Variants in ACSM6 observed in about 807,000 individuals in gnomAD.
ACSM6 encodes the protein acyl-CoA synthetase medium chain family member 6, also known as acyl-coenzyme A synthetase ACSM6, mitochondrial.
ACSM6 carries 35 observed loss-of-function variants against 51.1 expected under a neutral mutation model. The observed-to-expected ratio is 0.69, with a 90% CI of 0.52 to 0.91. The LOEUF (loss-of-function observed/expected upper bound fraction) is 0.91, where lower values mean the gene tolerates loss of function less well. Ranked by LOEUF, ACSM6 falls within the 40% of genes least tolerant of loss-of-function variation. The pLI is 0.00. For synonymous variants in ACSM6, 172 were observed against 207.3 expected (o/e 0.83, Z 1.46); for missense variants, 509 against 584.1 (o/e 0.87, Z 1.32).
intron 9 of ACSM6, among the ~76,000 whole-genome samples, chr10:95,224,426 T>C (rs935031763): frequency 2.6e-5 from 4 of 152,244 alleles, no homozygotes; most frequent in Non-Finnish European, 5.9e-5. Context: ...GTCATTATTT[T>C]CTTTTTTGAG....
intron 3 of ACSM6, among the ~76,000 whole-genome samples, chr10:95,206,651 A>G (rs1009752695): frequency 6.6e-6 from 1 of 152,194 alleles, no homozygotes; most frequent in African/African-American, 2.4e-5. Flanking sequence ...AAGCCTGAAA[A>G]CTAAAAAGAA....
intron 9 of ACSM6, among the ~76,000 whole-genome samples, chr10:95,224,962 T>A (rs1437584831): frequency 6.6e-6 from 1 of 152,216 alleles, no homozygotes; most frequent in Non-Finnish European, 1.5e-5. Flanking sequence ...TCTTATTTCA[T>A]CCTCACAATA....
intron 8 of ACSM6, among the ~76,000 whole-genome samples, chr10:95,218,771 C>A (rs1022621603): frequency 6.6e-6 from 1 of 152,132 alleles, no homozygotes; most frequent in Non-Finnish European, 1.5e-5. Context: ...ATAGTCCCAC[C>A]AGATTAGATG....
At chr10:95,194,290 T>G (rs1200847100) in exon 1 of ACSM6, 6 of 523,712 alleles carry the variant, frequency 1.1e-5, no homozygotes, top group East Asian at 5.7e-5. Flanking sequence ...CCATAGAAAC[T>G]CCTCTTGGAA....
intron 10 of ACSM6, 131 bp from the exon 11 acceptor site, chr10:95,228,513 C>A: frequency 1.2e-6 from 1 of 859,908 alleles, no homozygotes; most frequent in Non-Finnish European, 1.6e-6. Flanking sequence ...TATGTGAGAT[C>A]CCCTGGAGAG....
At chr10:95,199,325 C>T (rs2133370880) in intron 2 of ACSM6, among the ~76,000 whole-genome samples, 1 of 152,236 alleles carries the variant, frequency 6.6e-6, no homozygotes, top group Middle Eastern at 3.4e-3. Context: ...TGGATCCCTT[C>T]CTTATACCTT....
intron 4 of ACSM6, among the ~76,000 whole-genome samples, chr10:95,209,026 C>G (rs565205600): frequency 7.5e-6 from 1 of 133,510 alleles, no homozygotes; most frequent in South Asian, 2.6e-4. Context: ...AAATAGACAA[C>G]AAGAAAACAC....
chr10:95,203,829 C>G (rs1437168739), intron 3 of ACSM6, among the ~76,000 whole-genome samples: 5 of 148,694 alleles, frequency 3.4e-5, no homozygotes, highest in Non-Finnish European at 5.9e-5. Context: ...GGCCTACTGC[C>G]TTTGCCTGCT....
chr10:95,210,824 G>A (rs1386013689), intron 5 of ACSM6, 31 bp downstream of exon 5: 13 of 1,594,708 alleles, frequency 8.2e-6, no homozygotes, highest in Non-Finnish European at 1.7e-6. Context: ...GTACAGGCCT[G>A]AAAGTTGTTC....
chr10:95,206,007 G>T (rs2034835927), intron 3 of ACSM6, among the ~76,000 whole-genome samples: 1 of 152,044 alleles, frequency 6.6e-6, no homozygotes, highest in South Asian at 2.1e-4. Flanking sequence ...CTTTGTTTTG[G>T]AGATATAATT....
chr10:95,203,055 G>C (rs2034810078), intron 3 of ACSM6, among the ~76,000 whole-genome samples: 1 of 152,084 alleles, frequency 6.6e-6, no homozygotes, highest in Non-Finnish European at 1.5e-5. Context: ...GAGGGCAAGT[G>C]AGTGAAGCTT....
At position 95,210,754 on chromosome 10, in the gene ACSM6, C is replaced by A. The variant is rs748873136; in HGVS notation, c.716C>A (p.Ser239Tyr). Reference sequence around the variant, plus strand: ...GGAGCTCCCAAAATGGTCGAGTATTCCCAGTATGGTTTGGGAATGGGATTC... The same window carrying A: ...GGAGCTCCCAAAATGGTCGAGTATTACCAGTATGGTTTGGGAATGGGATTC... Residue 239 changes from serine to tyrosine, a missense_variant, in exon 5 of 11, where the codon TCC (serine) becomes TAC (tyrosine). Physicochemically the swap from Ser to Tyr is moderately radical, Grantham distance 144 (BLOSUM62 -2). Coordinates refer to ENST00000341686, the Ensembl canonical transcript of ACSM6. 1.1e-5 allele frequency: 17 copies of A among 1,613,984 alleles called. No individual in the cohort carries two copies. In the South Asian group the frequency reaches 1.6e-4, roughly 16 times the overall value.
chr10:95,217,336 G>A (rs1248378451), intron 8 of ACSM6, among the ~76,000 whole-genome samples: 2 of 141,002 alleles, frequency 1.4e-5, no homozygotes, highest in African/African-American at 5.3e-5. Context: ...GACAGAGTGA[G>A]ACTCCATCTC....
intron 5 of ACSM6, among the ~76,000 whole-genome samples, chr10:95,211,156 T>C (rs1262201429): frequency 6.6e-6 from 1 of 152,192 alleles, no homozygotes; most frequent in Admixed American, 6.5e-5. Context: ...GGTAGAGTCA[T>C]AATTGATAAG....
rs1306900471 is a variant in ACSM6, at chr10:95,212,791, C to G, written c.913-67C>G. 3 of 1,293,462 alleles carry G rather than the reference C, an allele frequency of 2.3e-6. No individual in the cohort carries two copies. The African/African-American group carries it at 4.4e-5, about 19-fold the overall frequency. The allele number at this position is 1,293,462 out of a possible 1,614,324, so 80.1% of individuals were successfully genotyped here. A position where few individuals can be genotyped will look rare whatever the true frequency, so the allele number is the denominator to read the frequency against. On this transcript the variant is annotated intron_variant, in intron 6 of 10. Transcript: ENST00000341686. ...TCCCTGGACTTTCCCGCCTGGACCC[C>G]TGCCACAGTCTCACTGTCTCTCCCA...
At chr10:95,216,791 A>T (rs959204195) in intron 8 of ACSM6, among the ~76,000 whole-genome samples, 1 of 152,218 alleles carries the variant, frequency 6.6e-6, no homozygotes, top group Non-Finnish European at 1.5e-5. Flanking sequence ...GAGAACATCC[A>T]GTAAAGAGGA....
intron 7 of ACSM6, among the ~76,000 whole-genome samples, chr10:95,214,423 G>A (rs2034924146): frequency 1.3e-5 from 2 of 152,214 alleles, no homozygotes; most frequent in African/African-American, 4.8e-5. Context: ...AATATCTAGA[G>A]ATTTTGAGCC....
At chr10:95,212,145 A>C in intron 6 of ACSM6, 111 bp downstream of exon 6, 1 of 1,326,640 alleles carries the variant, frequency 7.5e-7, no homozygotes, top group South Asian at 1.3e-5. Flanking sequence ...TAAATTTGGA[A>C]TGTGATCTTG....
At chr10:95,198,225 T>A (rs574949472) in intron 2 of ACSM6, among the ~76,000 whole-genome samples, 41 of 151,672 alleles carry the variant, frequency 2.7e-4, no homozygotes, top group Non-Finnish European at 5.0e-4. Context: ...TCCCTACATA[T>A]CACCCTAAAA....
Sources: gnomAD v4.1 joint callset for allele counts (sites outside exome capture counted in the v4.1 genomes callset) on GRCh38, gnomAD v4.1.1 for gene constraint, MANE v1.5 for transcripts, NCBI Gene and HGNC (gene_info 2026-07-23, HGNC 2026-07-21) for gene names.